Variants in MICALL2 observed in about 807,000 individuals in gnomAD.
MICALL2 encodes MICAL-like protein 2.
A neutral mutation model predicts 91.1 loss-of-function variants in MICALL2; 111 were observed. The ratio of observed to expected loss-of-function variants is 1.22; its 90% confidence interval spans 1.04 to 1.43. The LOEUF (loss-of-function observed/expected upper bound fraction) is 1.43. Ranked by LOEUF, MICALL2 falls within the 40% of genes most tolerant of loss-of-function variation. The pLI, the probability that MICALL2 is intolerant of heterozygous loss-of-function variation, is 0.00. For synonymous variants in MICALL2, 694 were observed against 525.3 expected (o/e 1.32, Z -4.39); for missense variants, 1,556 against 1,236.0 (o/e 1.26, Z -3.88).
At chr7:1,441,907 G>A (rs1780298166) in intron 7 of MICALL2, 5 of 491,462 alleles carry the variant, frequency 1.0e-5, no homozygotes, top group Non-Finnish European at 1.8e-5. Flanking sequence ...AGACCGAGCT[G>A]AGCGGGACGC....
rs1347417943 is a variant in MICALL2, at chr7:1,452,234, T to G, written c.144-1946A>C. 1.3e-5 allele frequency among the ~76,000 whole-genome samples: 2 copies of G among 152,082 alleles called. No homozygotes were observed. Among genetic ancestry groups the G allele is most frequent in the African/African-American group, 4.8e-5 (2 of 41,402 alleles). ...TGTGGACAGATGACGAGGAGCCCCC[T>G]CCCTGGGCTCAGTGGCAGCGAAAGC... On this transcript the variant is annotated intron_variant, in intron 1 of 16. Coordinates refer to ENST00000297508, the MANE Select transcript of MICALL2 (RefSeq NM_182924.4). This position sits in a 1 kb window ranked among gnomAD's most constrained non-coding sequence, Gnocchi z 6.2.
chr7:1,444,940 T>C lies in MICALL2; in HGVS notation c.1130A>G (p.Gln377Arg), dbSNP rs953444173. 1.3e-6 allele frequency: 2 copies of C among 1,518,456 alleles called. No individual in the cohort carries two copies. The highest frequency in any genetic ancestry group is 2.7e-5 in the African/African-American group (2 of 72,832). The allele number at this position is 1,518,456 out of a possible 1,614,324, so 94.1% of individuals were successfully genotyped here. A position where few individuals can be genotyped will look rare whatever the true frequency, so the allele number is the denominator to read the frequency against. Reference sequence around the variant, plus strand: ...TGCCACTCGGGGGGCTCCCCCACCCTGGGGTGTGGCCGGGCGAGGGTCTGG... The same window carrying C: ...TGCCACTCGGGGGGCTCCCCCACCCCGGGGTGTGGCCGGGCGAGGGTCTGG... ...SAPDPRPATP[Q>R]GGGAPRVAAP... is the part of the protein sequence containing the mutation. Residue 377 changes from glutamine to arginine, a missense_variant, in exon 6 of 17, where the codon CAG becomes CGG. Transcript: ENST00000297508.
chr7:1,456,658 C>A (rs1361923779), intron 1 of MICALL2, among the ~76,000 whole-genome samples: 1 of 152,068 alleles, frequency 6.6e-6, no homozygotes, highest in Non-Finnish European at 1.5e-5. Context: ...ATGGTCCCAG[C>A]TACTCGGGAG....
Position 1,448,653 on chromosome 7 carries a change from G to T in MICALL2, c.301C>A (p.Gln101Lys), listed in dbSNP as rs1780701663. 1 of 1,612,762 alleles carries T rather than the reference G, an allele frequency of 6.2e-7. No individual in the cohort carries two copies. The highest frequency in any genetic ancestry group is 1.3e-5 in the African/African-American group (1 of 75,056). The stretch of plus-strand genomic sequence containing the variant: ...CGGCCGTGGAAGTAGTTGTAATACT[G>T]GGACACGTAGGTCAAGATGCTCAGC... ...DRLSILTYVS[Q>K]YYNYFHGRSP... The change falls in exon 3 of 17, where the codon CAG (glutamine) becomes AAG (lysine). Residue 101 changes from glutamine to lysine, a missense_variant. By Grantham distance (53) the Gln-to-Lys change is moderately conservative (BLOSUM62 1). Coordinates refer to ENST00000297508, the MANE Select transcript of MICALL2 (RefSeq NM_182924.4).
chr7:1,438,213 G>A lies in MICALL2; in HGVS notation c.2195C>T (p.Pro732Leu). The change falls in exon 12 of 17, where the codon CCC becomes CTC. Residue 732 changes from proline (P) to leucine (L), a missense_variant. Physicochemically the swap from Pro to Leu is moderately conservative, Grantham distance 98. Transcript: ENST00000297508. ...TATCTCCTCCGGGGAGAGGTAGTCG[G>A]GGTGCAGCTGGGAACGGAGGGGCGG... is the stretch of plus-strand genomic sequence containing the variant. ...ETVTSPVRLH[P>L]DYLSPEEIQR... The A allele has an allele frequency of 1.9e-6, 3 of 1,586,112 alleles. No individual in the cohort carries two copies. Among genetic ancestry groups the A allele is most frequent in the Non-Finnish European group, 2.6e-6 (3 of 1,166,332 alleles).
At position 1,457,919 on chromosome 7, in the gene MICALL2, G is replaced by A. The variant is rs185012701; in HGVS notation, c.143+1265C>T. On this transcript the variant is annotated intron_variant, in intron 1 of 16. Transcript: ENST00000297508. ...TCCGGGTCCTTCTCCCAGTCTCCAGGTCCCTGGCCCTCTCCTTCAAAGCTC... is the reference window on the plus strand; with the variant it reads ...TCCGGGTCCTTCTCCCAGTCTCCAGATCCCTGGCCCTCTCCTTCAAAGCTC... 3.9e-5 allele frequency among the ~76,000 whole-genome samples: 6 copies of A among 152,380 alleles called. No individual in the cohort carries two copies. In the East Asian group the frequency reaches 1.2e-3, roughly 29 times the overall value.
chr7:1,447,842 G>C (rs1780669307), intron 3 of MICALL2, 77 bp from the exon 4 acceptor site: 5 of 1,176,586 alleles, frequency 4.2e-6, no homozygotes, highest in Middle Eastern at 2.6e-4. Context: ...AGGTCCCAGT[G>C]CCCAGCACAG....
Position 1,444,694 on chromosome 7 carries a change from G to A in MICALL2, c.1376C>T (p.Ala459Val), listed in dbSNP as rs762859342. 4.3e-6 allele frequency: 7 copies of A among 1,611,924 alleles called. No individual in the cohort carries two copies. The highest frequency in any genetic ancestry group is 3.4e-6 in the Non-Finnish European group (4 of 1,179,838). The change falls in exon 6 of 17, where the codon GCC becomes GTC. Residue 459 changes from alanine to valine, a missense_variant. Transcript: ENST00000297508. ...KEQARNFLKQ[A>V]LSALEEAGAP... ...GCCAGCCTCTTCCAGCGCTGAGAGGGCCTGCTTGAGGAAGTTCCGCGCCTG... is the reference window on the plus strand; with the variant it reads ...GCCAGCCTCTTCCAGCGCTGAGAGGACCTGCTTGAGGAAGTTCCGCGCCTG...
At position 1,440,682 on chromosome 7, in the gene MICALL2, T is replaced by TGTCTGGGTGGGAGGCAAGGG. The variant is rs780865859; in HGVS notation, c.1712-18_1713dup (p.Met572ProfsTer8). ...TGGCCTTCCTGGAGGCTGGTGCTCA[T>TGTCTGGGTGGGAGGCAAGGG]GTCTGGGTGGGAGGCAAGGGGTCTG... On this transcript the variant is annotated frameshift_variant and splice_region_variant, in exon 8 of 17. Coordinates refer to ENST00000297508, the MANE Select transcript of MICALL2 (RefSeq NM_182924.4). LOFTEE classifies it high-confidence loss of function. 78 of 1,611,146 alleles carry TGTCTGGGTGGGAGGCAAGGG rather than the reference T, an allele frequency of 4.8e-5. No individual in the cohort carries two copies. The highest frequency in any genetic ancestry group is 8.3e-5 in the Admixed American group (5 of 59,996).
intron 6 of MICALL2, among the ~76,000 whole-genome samples, chr7:1,443,886 C>T (rs1307937361): frequency 6.6e-6 from 1 of 152,182 alleles, no homozygotes; most frequent in Non-Finnish European, 1.5e-5. Context: ...TGCAGCGCCC[C>T]CCTCTACCCG....
At chr7:1,458,565 C>A (rs1384537360) in intron 1 of MICALL2, among the ~76,000 whole-genome samples, 2 of 152,258 alleles carry the variant, frequency 1.3e-5, no homozygotes, top group East Asian at 3.9e-4. Context: ...CCCAGCTACA[C>A]ACGCCAAGAC....
In MICALL2 at chr7:1,448,645, G is replaced by T. The variant is rs769513707; in HGVS notation, c.309C>A (p.Tyr103Ter). The change falls in exon 3 of 17, where the codon TAC (tyrosine) becomes TAA (stop). Residue 103 changes from tyrosine to a stop codon, truncating the protein, a stop_gained. Transcript: ENST00000297508. LOFTEE classifies it high-confidence loss of function. ...TGGGGGAGCGGCCGTGGAAGTAGTT[G>T]TAATACTGGGACACGTAGGTCAAGA... ...LSILTYVSQY[Y>*]NYFHGRSPIG... The T allele has an allele frequency of 4.3e-6, 7 of 1,612,708 alleles. No homozygotes were observed.
At chr7:1,445,844 G>A (rs1780549468) in intron 5 of MICALL2, among the ~76,000 whole-genome samples, 1 of 152,108 alleles carries the variant, frequency 6.6e-6, no homozygotes, top group African/African-American at 2.4e-5. Context: ...GCCTTGCAGA[G>A]CTGGGGACAG....
chr7:1,438,446 C>G, intron 10 of MICALL2, 93 bp from the exon 11 acceptor site: 1 of 1,516,416 alleles, frequency 6.6e-7, no homozygotes, highest in Non-Finnish European at 8.9e-7. Context: ...CTCAGCACAG[C>G]ACAGCTGGCC....
At chr7:1,439,764 G>T in intron 9 of MICALL2, 161 bp downstream of exon 9, 2 of 522,202 alleles carry the variant, frequency 3.8e-6, no homozygotes, top group Non-Finnish European at 6.4e-6. Context: ...ATGCACACAT[G>T]TACACACAAG....
chr7:1,436,528 G>A (rs1317414490), intron 15 of MICALL2, among the ~76,000 whole-genome samples: 7 of 141,518 alleles, frequency 4.9e-5, no homozygotes, highest in Non-Finnish European at 7.5e-5. Context: ...ACTCCAGCCT[G>A]GTGACAGAGC....
Position 1,442,317 on chromosome 7 carries a change from G to C in MICALL2, c.1586C>G (p.Ser529Cys), listed in dbSNP as rs1219359092. 6.8e-6 allele frequency: 11 copies of C among 1,613,124 alleles called. No individual in the cohort carries two copies. Among genetic ancestry groups the C allele is most frequent in the African/African-American group, 1.3e-5 (1 of 74,936 alleles). The change falls in exon 7 of 17, where the codon TCC (serine) becomes TGC (cysteine). Residue 529 changes from serine to cysteine, a missense_variant. Ser to Cys is a moderately radical substitution (Grantham distance 112). Transcript: ENST00000297508. ...CCTCCTGCCTGCCGGGGGCAACGCGGATGCCTGAGAGGTACTGCTCGTGCT... is the reference window on the plus strand; with the variant it reads ...CCTCCTGCCTGCCGGGGGCAACGCGCATGCCTGAGAGGTACTGCTCGTGCT... Reference protein sequence around the residue: ...PLSTSSTSQASALPPAGRRNL... With the variant: ...PLSTSSTSQACALPPAGRRNL...
At chr7:1,445,852 C>G (rs1780549989) in intron 5 of MICALL2, among the ~76,000 whole-genome samples, 1 of 152,016 alleles carries the variant, frequency 6.6e-6, no homozygotes, top group South Asian at 2.1e-4. Context: ...GAGCTGGGGA[C>G]AGAAGTAGGG....
rs1307377526 is a variant in MICALL2 at position 1,448,740 on chromosome 7, G to A, written c.214C>T (p.His72Tyr). ...TCCAGCAAGGCTGGGATGCCCAAGT[G>A]CTCCTCGGCCACGCGGAAGGCCTGC... ...NKLAFRVAEE[H>Y]LGIPALLDAE... The change falls in exon 3 of 17, where the codon CAC (histidine) becomes TAC (tyrosine). Residue 72 changes from histidine (H) to tyrosine (Y), a missense_variant. His to Tyr is a moderately conservative substitution (Grantham distance 83). Coordinates refer to ENST00000297508, the MANE Select transcript of MICALL2 (RefSeq NM_182924.4). 6.2e-7 allele frequency: 1 copy of A among 1,612,732 alleles called. No homozygotes were observed. The highest frequency in any genetic ancestry group is 8.5e-7 in the Non-Finnish European group (1 of 1,179,918).
Sources: allele counts gnomAD v4.1 joint callset (sites outside exome capture counted in the v4.1 genomes callset), GRCh38; gene constraint gnomAD v4.1.1; non-coding constraint Gnocchi (gnomAD v3.1); transcripts MANE v1.5; gene names NCBI Gene and HGNC (gene_info 2026-07-23, HGNC 2026-07-21).